PRPF3: variants seen among roughly 807,000 people sequenced by gnomAD.
PRPF3 encodes the protein U4/U6 small nuclear ribonucleoprotein Prp3.
PRPF3 carries 3 observed loss-of-function variants against 89.2 expected under a neutral mutation model. The ratio of observed to expected loss-of-function variants is 0.03; its 90% CI spans 0.02 to 0.09. PRPF3 has a LOEUF of 0.09. Among genes scored for constraint, PRPF3 ranks in the 10% least tolerant of loss-of-function variants. The probability of loss-of-function intolerance (pLI) is 1.00; values close to 1 mark genes in which losing one functional copy is unlikely to be tolerated. For synonymous variants in PRPF3, 270 were observed against 289.1 expected, an observed-to-expected ratio of 0.93 and a Z score of 0.67; for missense variants, 463 against 828.8, an observed-to-expected ratio of 0.56 and a Z score of 5.42.
At chr1:150,351,149 C>T (rs1188116720) in intron 15 of PRPF3, among the ~76,000 whole-genome samples, 2 of 151,994 alleles carry the variant, frequency 1.3e-5, no homozygotes, top group Non-Finnish European at 2.9e-5. Context: ...CCTATAATCC[C>T]AGCTACTTGG....
chr1:150,345,661 A>G, intron 12 of PRPF3: 1 of 327,314 alleles, frequency 3.1e-6, no homozygotes, highest in Non-Finnish European at 5.9e-6. Flanking sequence ...GTAATCCTAT[A>G]TTATAAGAGT....
intron 12 of PRPF3, among the ~76,000 whole-genome samples, chr1:150,345,256 C>A (rs2102014707): frequency 6.6e-6 from 1 of 152,170 alleles, no homozygotes; most frequent in East Asian, 1.9e-4. Context: ...TCCCTTAGAA[C>A]CACTCTCTTT....
chr1:150,338,358 C>G, intron 8 of PRPF3, 32 bp downstream of exon 8: 1 of 1,601,478 alleles, frequency 6.2e-7, no homozygotes, highest in South Asian at 1.1e-5. Flanking sequence ...TTTAAAAAAA[C>G]AGTTTTTAAT....
At chr1:150,351,155 C>G (rs1259251619) in intron 15 of PRPF3, among the ~76,000 whole-genome samples, 3 of 151,990 alleles carry the variant, frequency 2.0e-5, no homozygotes, top group Non-Finnish European at 4.4e-5. Flanking sequence ...ATCCCAGCTA[C>G]TTGGGAGGCT....
In PRPF3 at chr1:150,344,485, G is replaced by A. The variant is rs1553872370; in HGVS notation, c.1578G>A (p.Lys526=). 1 of 1,614,144 alleles carries A rather than the reference G, an allele frequency of 6.2e-7. No homozygotes were observed. Among genetic ancestry groups the A allele is most frequent in the South Asian group, 1.1e-5 (1 of 91,080 alleles). The change falls in exon 12 of 16, where the codon AAG becomes AAA. Residue 526 remains lysine (K), a synonymous_variant. Transcript: ENST00000324862. ...GAAAACTCACAGCAGAACAGAGAAA[G>A]GTCAAGAAAATTAAAAAGCTTAAAG... The part of the protein sequence containing the change: ...AARKLTAEQR[K]VKKIKKLKED...
At chr1:150,335,382 C>A in intron 7 of PRPF3, 141 bp downstream of exon 7, 1 of 994,220 alleles carries the variant, frequency 1.0e-6, no homozygotes, top group Non-Finnish European at 1.5e-6. Flanking sequence ...GCACCAGGGA[C>A]TTGTTTCATG....
At chr1:150,324,352 CAG>C (rs1348119190) in intron 1 of PRPF3, among the ~76,000 whole-genome samples, 3 of 152,172 alleles carry the variant, frequency 2.0e-5, no homozygotes, top group Non-Finnish European at 4.4e-5. Flanking sequence ...AGCTTATTCA[CAG>C]AGTTTGTTTA....
chr1:150,328,021 G>T, intron 3 of PRPF3: 1 of 386,254 alleles, frequency 2.6e-6, no homozygotes. Context: ...ATTTGGAACA[G>T]GGGTTGTGGA....
At chr1:150,352,697 C>A in intron 15 of PRPF3, 136 bp from the exon 16 acceptor site, 1 of 945,902 alleles carries the variant, frequency 1.1e-6, no homozygotes, top group South Asian at 1.5e-5. Flanking sequence ...AAATGGAGGT[C>A]ACAATTTTTT....
intron 12 of PRPF3, chr1:150,345,765 C>T: frequency 4.1e-6 from 2 of 486,852 alleles, no homozygotes. Flanking sequence ...ATACCTCTCC[C>T]TGACTCTTAG....
In PRPF3 at chr1:150,349,423, T is replaced by C. The variant is rs189661017; in HGVS notation, c.1905+205T>C. 1.1e-3 allele frequency among the ~76,000 whole-genome samples: 165 copies of C among 152,358 alleles called. 1 individual carries two copies. The highest frequency in any genetic ancestry group is 1.9e-3 in the East Asian group (10 of 5,188). On this transcript the variant is annotated intron_variant, in intron 15 of 15. Transcript: ENST00000324862. ...ATTAAATTCGTGAGTATTTAGTATA[T>C]GCTATCTGGGGAAGTGCGTGGACAG... is the stretch of plus-strand genomic sequence containing the variant.
chr1:150,346,782 C>A (rs781935992), intron 14 of PRPF3, among the ~76,000 whole-genome samples: 35 of 152,222 alleles, frequency 2.3e-4, no homozygotes, highest in Middle Eastern at 3.4e-3. Context: ...TGAATTTATT[C>A]AGTATTTGAA....
chr1:150,332,533 AT>A, intron 4 of PRPF3, 150 bp from the exon 5 acceptor site: 1 of 747,800 alleles, frequency 1.3e-6, no homozygotes, highest in Non-Finnish European at 2.3e-6. Flanking sequence ...TCTTGACTAA[AT>A]TTTTTGCACT....
At chr1:150,321,942 AT>A (rs1394345232) in intron 1 of PRPF3, among the ~76,000 whole-genome samples, 1 of 151,982 alleles carries the variant, frequency 6.6e-6, no homozygotes, top group Admixed American at 6.6e-5. Context: ...GGAGTAAGGA[AT>A]TCCTTCTGAA....
chr1:150,340,297 C>T, intron 8 of PRPF3, 101 bp from the exon 9 acceptor site: 1 of 814,932 alleles, frequency 1.2e-6, no homozygotes. Flanking sequence ...AGCACAAGAA[C>T]CCATTATAGA....
intron 3 of PRPF3, chr1:150,327,494 G>C: frequency 1.2e-6 from 1 of 813,194 alleles, no homozygotes; most frequent in Non-Finnish European, 1.5e-6. Flanking sequence ...TCCCATTTTT[G>C]GTCCATTCAG....
At chr1:150,333,304 A>G in intron 6 of PRPF3, 105 bp downstream of exon 6, 1 of 1,277,970 alleles carries the variant, frequency 7.8e-7, no homozygotes, top group Non-Finnish European at 1.1e-6. Flanking sequence ...TCAGGCCTGT[A>G]ATCGTAGCAC....
intron 12 of PRPF3, chr1:150,345,663 TATA>T (rs1658208372): frequency 3.0e-6 from 1 of 331,374 alleles, no homozygotes; most frequent in Admixed American, 4.3e-5. Flanking sequence ...AATCCTATAT[TATA>T]AGAGTCTAAG....
In PRPF3 at chr1:150,339,895, T is replaced by A. The variant is rs587699532; in HGVS notation, c.1203-503T>A. ...AATACCACCACACCTGGCCAGTTTT[T>A]ATATTTTTAGTAGACAAGAGTTTCA... On this transcript the variant is annotated intron_variant, in intron 8 of 15. Coordinates refer to ENST00000324862, the MANE Select transcript of PRPF3 (RefSeq NM_004698.4). Among the ~76,000 whole-genome samples, 25 of 152,120 alleles carry A rather than the reference T, an allele frequency of 1.6e-4. No individual in the cohort carries two copies. The South Asian group carries it at 5.0e-3, about 30-fold the overall frequency.
Sources: allele counts gnomAD v4.1 joint callset (sites outside exome capture counted in the v4.1 genomes callset), GRCh38; gene constraint gnomAD v4.1.1; transcripts MANE v1.5; gene names NCBI Gene and HGNC (gene_info 2026-07-23, HGNC 2026-07-21).